The following NAV2 variants were observed in gnomAD, a reference collection of about 807,000 sequenced individuals.
The protein encoded by NAV2 is neuron navigator 2, also known as helicase, APC down-regulated 1.
In NAV2, 54 loss-of-function variants were observed where a neutral mutation model predicts 223.2. The ratio of observed to expected loss-of-function variants is 0.24; its 90% CI spans 0.19 to 0.30. The LOEUF (loss-of-function observed/expected upper bound fraction) is 0.30, where lower values mean the gene tolerates loss of function less well. NAV2 is among the 10% of genes least tolerant of loss of function. NAV2 has a pLI of 1.00. For synonymous variants in NAV2, 1,279 were observed against 1,239.3 expected (o/e 1.03, Z -0.67); for missense variants, 2,806 against 3,147.5 (o/e 0.89, Z 2.60).
In NAV2 at chr11:19,713,265, G is replaced by C. The variant is rs372335084; in HGVS notation, c.-431G>C. ...GGCTCAGACCCGTAGCCTCCGGAAC[G>C]GGACTCGTGGGTCGCCGCCGCCTCT... On this transcript the variant is annotated 5_prime_UTR_variant, in exon 1 of 38. Transcript: ENST00000349880. This position sits in a 1 kb window ranked among gnomAD's most constrained non-coding sequence, Gnocchi z 7.2. 5.0e-6 allele frequency: 5 copies of C among 990,602 alleles called. No homozygotes were observed. The highest frequency in any genetic ancestry group is 5.0e-4 in the Middle Eastern group (1 of 2,008). 61.4% of individuals were successfully genotyped at this position (990,602 alleles called of 1,614,324 possible).
chr11:19,915,683 C>T (rs1338670611), intron 6 of NAV2, among the ~76,000 whole-genome samples: 1 of 152,134 alleles, frequency 6.6e-6, no homozygotes, highest in African/African-American at 2.4e-5. Flanking sequence ...GTTTGAAGCC[C>T]TTTCTCTGAG....
chr11:19,388,559 G>A (rs912881302), intron 1 of NAV2, among the ~76,000 whole-genome samples: 1 of 152,186 alleles, frequency 6.6e-6, no homozygotes, highest in Non-Finnish European at 1.5e-5. Context: ...TGAACTATAA[G>A]ATGAATGGGG....
chr11:19,747,195 C>T (rs1282031202), intron 1 of NAV2, among the ~76,000 whole-genome samples: 8 of 151,684 alleles, frequency 5.3e-5, no homozygotes, highest in Admixed American at 4.6e-4. Flanking sequence ...TTTCCAGTTT[C>T]ATCCATGTCC....
At chr11:19,472,545 G>A (rs1209775506) in intron 1 of NAV2, among the ~76,000 whole-genome samples, 4 of 152,062 alleles carry the variant, frequency 2.6e-5, no homozygotes, top group East Asian at 1.9e-4. Flanking sequence ...GTAGCCTCAC[G>A]CTGTCAGGCT....
At chr11:19,447,490 G>A (rs1590219138) in intron 1 of NAV2, among the ~76,000 whole-genome samples, 1 of 152,166 alleles carries the variant, frequency 6.6e-6, no homozygotes, top group Non-Finnish European at 1.5e-5. Flanking sequence ...TCAGCTTCCT[G>A]CTGTGGAAAG....
chr11:20,009,526 G>A (rs771164989), intron 11 of NAV2, among the ~76,000 whole-genome samples: 1 of 152,146 alleles, frequency 6.6e-6, no homozygotes, highest in Non-Finnish European at 1.5e-5. Context: ...TAGATAAAAT[G>A]CAAACAGCGC....
chr11:19,464,465 T>A (rs954924851), intron 1 of NAV2, among the ~76,000 whole-genome samples: 166 of 152,314 alleles, frequency 1.1e-3, no homozygotes, highest in African/African-American at 3.7e-3. Context: ...AATATCCCTC[T>A]AAGAGAGGGC....
chr11:19,350,067 C>T (rs1853220959), upstream of NAV2, among the ~76,000 whole-genome samples: 1 of 128,692 alleles, frequency 7.8e-6, no homozygotes, highest in South Asian at 2.6e-4. Context: ...TCTCTTCATA[C>T]TATCGTGCCT....
intron 1 of NAV2, among the ~76,000 whole-genome samples, chr11:19,810,883 C>T (rs16937189): frequency 0.02 from 3,021 of 152,312 alleles, 101 homozygotes; most frequent in African/African-American, 0.069. Flanking sequence ...CTTTTGTCAC[C>T]GTTTCCCTTT....
intron 11 of NAV2, among the ~76,000 whole-genome samples, chr11:20,021,280 A>G (rs2054486774): frequency 3.3e-5 from 5 of 152,206 alleles, no homozygotes; most frequent in Admixed American, 3.3e-4. Context: ...TGCACTTAGA[A>G]CAGCACTTGC....
At chr11:20,017,656 G>C (rs1022074222) in intron 11 of NAV2, among the ~76,000 whole-genome samples, 1 of 152,116 alleles carries the variant, frequency 6.6e-6, no homozygotes. Flanking sequence ...CTAGTATCTG[G>C]CAAAGGTTTT....
At chr11:19,704,755 G>A (rs2049607303) in intron 1 of NAV2, among the ~76,000 whole-genome samples, 1 of 152,162 alleles carries the variant, frequency 6.6e-6, no homozygotes. Flanking sequence ...GCTCACGCCT[G>A]TAATCCCAGC....
chr11:19,921,945 G>GTGT lies in NAV2; in HGVS notation c.932-11231_932-11230insTGT, dbSNP rs551517414. ...ATTGCTATATATGTGTGTGTGTGTG[G>GTGT]GTATATAAATATATTTTGCCATGGA... On this transcript the variant is annotated intron_variant, in intron 6 of 37. Coordinates refer to ENST00000349880, the MANE Select transcript of NAV2 (RefSeq NM_145117.5). Among the ~76,000 whole-genome samples, 422 of 152,146 alleles carry GTGT rather than the reference G, an allele frequency of 2.8e-3. 10 individuals carry two copies. The South Asian group carries it at 0.056, about 20-fold the overall frequency.
chr11:20,106,183 G>GTA lies in NAV2; in HGVS notation c.6841+502_6841+503dup, dbSNP rs1182631250. Reference sequence around the variant, plus strand: ...TATATATATATATATATATGTGTGTGTATATATATATATATATATATATAT... The same window carrying GTA: ...TATATATATATATATATATGTGTGTGTATATATATATATATATATATATATAT... On this transcript the variant is annotated intron_variant, in intron 35 of 37. Coordinates refer to ENST00000349880, the MANE Select transcript of NAV2 (RefSeq NM_145117.5). Among the ~76,000 whole-genome samples the GTA allele has an allele frequency of 2.5e-3, 64 of 25,518 alleles. 1 individual carries two copies. The highest frequency in any genetic ancestry group is 4.5e-3 in the African/African-American group (44 of 9,698). The allele number at this position is 25,518 out of a possible 152,430, so 16.7% of individuals were successfully genotyped here. A position where few individuals can be genotyped will look rare whatever the true frequency, so the allele number is the denominator to read the frequency against.
intron 20 of NAV2, among the ~76,000 whole-genome samples, chr11:20,065,724 G>A (rs997451121): frequency 2.0e-5 from 3 of 152,354 alleles, no homozygotes; most frequent in African/African-American, 7.2e-5. Context: ...GAGGCATGGG[G>A]AAGGGCTGTT....
At chr11:20,081,017 T>A (rs577612891) in intron 25 of NAV2, among the ~76,000 whole-genome samples, 1 of 152,316 alleles carries the variant, frequency 6.6e-6, no homozygotes, top group African/African-American at 2.4e-5. Flanking sequence ...GTGGCCCCGT[T>A]CCCCATTTGT....
chr11:19,450,681 A>G (rs574953417), intron 1 of NAV2, among the ~76,000 whole-genome samples: 3 of 152,328 alleles, frequency 2.0e-5, no homozygotes, highest in Non-Finnish European at 2.9e-5. Flanking sequence ...TTAAATTAAC[A>G]AGATTTCCCT....
At chr11:19,507,536 C>T (rs185782367) in intron 1 of NAV2, among the ~76,000 whole-genome samples, 6 of 152,242 alleles carry the variant, frequency 3.9e-5, no homozygotes, top group Admixed American at 3.3e-4. Flanking sequence ...CACTGTGTCA[C>T]TAAATAGCTG....
At chr11:19,943,266 T>C (rs1050299029) in intron 8 of NAV2, among the ~76,000 whole-genome samples, 1 of 152,248 alleles carries the variant, frequency 6.6e-6, no homozygotes. Flanking sequence ...AGAAGGTAGA[T>C]GCAGTTACAT....
Sources: allele counts gnomAD v4.1 joint callset (sites outside exome capture counted in the v4.1 genomes callset), GRCh38; gene constraint gnomAD v4.1.1; non-coding constraint Gnocchi (gnomAD v3.1); transcripts MANE v1.5; gene names NCBI Gene and HGNC (gene_info 2026-07-23, HGNC 2026-07-21).